The following LRP1B variants were observed in gnomAD, a reference collection of about 807,000 sequenced individuals.
LRP1B encodes low-density lipoprotein receptor-related protein 1B.
Under a neutral mutation model 556.6 loss-of-function variants are expected in LRP1B, and 217 were observed. That is an observed-to-expected ratio of 0.39 (90% CI 0.35 to 0.44). LRP1B has a LOEUF of 0.44. Among genes scored for constraint, LRP1B ranks in the 20% least tolerant of loss-of-function variants. The probability of loss-of-function intolerance (pLI) is 1.00; values close to 1 mark genes in which losing one functional copy is unlikely to be tolerated. For missense variants in LRP1B, 5,053 were observed against 5,620.8 expected, an observed-to-expected ratio of 0.90 and a Z score of 3.23; for synonymous variants, 2,047 against 1,865.8, an observed-to-expected ratio of 1.10 and a Z score of -2.50.
At chr2:140,553,348 C>T (rs1680614079) in intron 43 of LRP1B, among the ~76,000 whole-genome samples, 5 of 151,814 alleles carry the variant, frequency 3.3e-5, no homozygotes, top group Admixed American at 3.3e-4. Context: ...ACACTAGTGT[C>T]TACCCAAATT....
chr2:140,464,380 G>A (rs1687455301), intron 60 of LRP1B, among the ~76,000 whole-genome samples: 1 of 151,966 alleles, frequency 6.6e-6, no homozygotes, highest in Non-Finnish European at 1.5e-5. Context: ...AGGAATATTA[G>A]ATTTAACATC....
intron 15 of LRP1B, among the ~76,000 whole-genome samples, chr2:140,995,059 T>C (rs1411431949): frequency 6.6e-6 from 1 of 151,966 alleles, no homozygotes; most frequent in Non-Finnish European, 1.5e-5. Context: ...AGGAATGTAA[T>C]TCTCTGCAAG....
At chr2:141,000,497 G>T (rs1307171186) in intron 15 of LRP1B, among the ~76,000 whole-genome samples, 2 of 152,072 alleles carry the variant, frequency 1.3e-5, no homozygotes, top group Non-Finnish European at 2.9e-5. Context: ...GGCTTTAGAT[G>T]TGTCTATTAC....
At chr2:140,274,754 A>G (rs1682601534) in intron 84 of LRP1B, among the ~76,000 whole-genome samples, 156 bp from the exon 85 acceptor site, 1 of 151,896 alleles carries the variant, frequency 6.6e-6, no homozygotes, top group Non-Finnish European at 1.5e-5. Flanking sequence ...GAATTCTTTA[A>G]TAATGCTATT....
chr2:140,986,472 G>A (rs192520553), intron 17 of LRP1B, among the ~76,000 whole-genome samples: 1 of 152,248 alleles, frequency 6.6e-6, no homozygotes, highest in Admixed American at 6.5e-5. Flanking sequence ...CAGCAAGAGT[G>A]TATGACAATT....
chr2:141,737,865 T>C (rs1287350578), intron 2 of LRP1B, among the ~76,000 whole-genome samples: 1 of 152,190 alleles, frequency 6.6e-6, no homozygotes, highest in Non-Finnish European at 1.5e-5. Context: ...TCTTAAAATC[T>C]CATTTCTTTT....
chr2:140,822,721 T>C (rs1559139693), intron 31 of LRP1B, among the ~76,000 whole-genome samples: 1 of 152,200 alleles, frequency 6.6e-6, no homozygotes, highest in Non-Finnish European at 1.5e-5. Flanking sequence ...CATTCCATGC[T>C]TGAAAAGTAT....
At chr2:140,893,626 G>C (rs993634081) in intron 23 of LRP1B, among the ~76,000 whole-genome samples, 1 of 152,148 alleles carries the variant, frequency 6.6e-6, no homozygotes, top group African/African-American at 2.4e-5. Flanking sequence ...ATAAATACAT[G>C]ATCGTATTTT....
At chr2:141,478,866 T>A (rs4507040) in intron 3 of LRP1B, among the ~76,000 whole-genome samples, 77,674 of 151,886 alleles carry the variant, frequency 0.51, 20,098 homozygotes, top group Non-Finnish European at 0.55. Flanking sequence ...CATATCACTT[T>A]TTCATATACA....
intron 53 of LRP1B, among the ~76,000 whole-genome samples, chr2:140,504,860 C>T (rs1371347154): frequency 6.6e-6 from 1 of 152,120 alleles, no homozygotes; most frequent in Non-Finnish European, 1.5e-5. Context: ...AGTTTATTTC[C>T]CTCTATGGCT....
intron 2 of LRP1B, among the ~76,000 whole-genome samples, chr2:141,708,441 G>A (rs983571748): frequency 6.6e-6 from 1 of 152,012 alleles, no homozygotes; most frequent in African/African-American, 2.4e-5. Context: ...CAGGACAGGA[G>A]AAAAGGGACT....
chr2:141,069,352 T>A (rs946608933), intron 7 of LRP1B, among the ~76,000 whole-genome samples: 1 of 152,084 alleles, frequency 6.6e-6, no homozygotes, highest in East Asian at 1.9e-4. Context: ...GAAAGATTTG[T>A]ACATTTTTAT....
chr2:141,696,210 G>A (rs1313564443), intron 2 of LRP1B, among the ~76,000 whole-genome samples: 1 of 151,808 alleles, frequency 6.6e-6, no homozygotes, highest in Non-Finnish European at 1.5e-5. Context: ...ACTAAAAGTA[G>A]GCTTAGAGTA....
intron 1 of LRP1B, among the ~76,000 whole-genome samples, chr2:142,038,878 C>T (rs560012866): frequency 1.6e-4 from 25 of 151,624 alleles, no homozygotes; most frequent in African/African-American, 4.8e-4. Context: ...AAGACTGGAG[C>T]GTAGTGGCCT....
chr2:141,572,735 A>C lies in LRP1B; in HGVS notation c.206-92202T>G, dbSNP rs146219074. Reference sequence around the variant, plus strand: ...GGCTCAAAATAAAGGAATGGAGGAAAATTTACCAAGCAAATGGAAAGCAAA... The same window carrying C: ...GGCTCAAAATAAAGGAATGGAGGAACATTTACCAAGCAAATGGAAAGCAAA... On this transcript the variant is annotated intron_variant, in intron 2 of 90. Coordinates refer to ENST00000389484, the MANE Select transcript of LRP1B (RefSeq NM_018557.3). 3.6e-3 allele frequency among the ~76,000 whole-genome samples: 546 copies of C among 152,222 alleles called. 3 individuals carry two copies. The highest frequency in any genetic ancestry group is 4.4e-3 in the Non-Finnish European group (301 of 67,988).
rs1327382783 is a variant in LRP1B, at chr2:140,456,575, A to G, written c.9843T>C (p.Asn3281=). 1 of 1,612,014 alleles carries G rather than the reference A, an allele frequency of 6.2e-7. No homozygotes were observed. The highest frequency in any genetic ancestry group is 1.1e-5 in the South Asian group (1 of 90,736). The change falls in exon 62 of 91, where the codon AAT becomes AAC. Residue 3281 remains asparagine, a synonymous_variant. Coordinates refer to ENST00000389484, the MANE Select transcript of LRP1B (RefSeq NM_018557.3). ...DVSKHLCMIN[N]GGCSHLCLLA... Reference sequence around the variant, plus strand: ...AAAGGCACAAATGACTGCAACCACCATTATTTATCATGCAGAGATGTTTGG... The same window carrying G: ...AAAGGCACAAATGACTGCAACCACCGTTATTTATCATGCAGAGATGTTTGG...
chr2:140,370,865 T>G, intron 70 of LRP1B, 23 bp from the exon 71 acceptor site: 1 of 1,610,198 alleles, frequency 6.2e-7, no homozygotes, highest in Non-Finnish European at 8.5e-7. Flanking sequence ...AAATGGACAC[T>G]GCAGTTTTCA....
chr2:141,406,193 G>A (rs183523762), intron 3 of LRP1B, among the ~76,000 whole-genome samples: 19 of 152,078 alleles, frequency 1.2e-4, no homozygotes, highest in South Asian at 6.2e-4. Flanking sequence ...TGTGCAAAAC[G>A]TCTTTTATCA....
chr2:140,385,487 G>A (rs1328845169), intron 67 of LRP1B, among the ~76,000 whole-genome samples: 2 of 152,116 alleles, frequency 1.3e-5, no homozygotes, highest in Non-Finnish European at 2.9e-5. Flanking sequence ...ACTGAAATAT[G>A]CTCATGGGCG....
Sources: gnomAD v4.1 joint callset for allele counts (sites outside exome capture counted in the v4.1 genomes callset) on GRCh38, gnomAD v4.1.1 for gene constraint, MANE v1.5 for transcripts, NCBI Gene and HGNC (gene_info 2026-07-23, HGNC 2026-07-21) for gene names.